The following GRIA1 variants were observed in gnomAD, a reference collection of about 807,000 sequenced individuals.
The protein encoded by GRIA1 is glutamate receptor 1.
A neutral mutation model predicts 99.2 loss-of-function variants in GRIA1; 31 were observed. The ratio of observed to expected loss-of-function variants is 0.31; its 90% confidence interval spans 0.23 to 0.42. GRIA1 has a LOEUF of 0.42. GRIA1 is among the 10% of genes least tolerant of loss of function. The pLI, the probability that GRIA1 is intolerant of heterozygous loss-of-function variation, is 1.00. For synonymous variants in GRIA1, 438 were observed against 432.4 expected, an observed-to-expected ratio of 1.01 and a Z score of -0.16; for missense variants, 782 against 1,157.5, an observed-to-expected ratio of 0.68 and a Z score of 4.71.
intron 8 of GRIA1, among the ~76,000 whole-genome samples, chr5:153,692,059 G>GCACA (rs1316315529): frequency 6.6e-6 from 1 of 152,084 alleles, no homozygotes; most frequent in Non-Finnish European, 1.5e-5. Context: ...CATTCCTTGA[G>GCACA]CACAGCCTCG....
intron 2 of GRIA1, among the ~76,000 whole-genome samples, chr5:153,523,519 T>TA (rs1561609061): frequency 1.3e-5 from 2 of 151,806 alleles, no homozygotes; most frequent in Non-Finnish European, 1.5e-5. Context: ...ACATTTTTTT[T>TA]TTTATTTATG....
intron 11 of GRIA1, among the ~76,000 whole-genome samples, chr5:153,739,131 T>C (rs1435250548): frequency 6.6e-6 from 1 of 151,626 alleles, no homozygotes; most frequent in Non-Finnish European, 1.5e-5. Context: ...CTCCATCCCT[T>C]ACCACCTTGC....
intron 8 of GRIA1, among the ~76,000 whole-genome samples, chr5:153,696,244 G>A (rs905166529): frequency 6.6e-6 from 1 of 152,230 alleles, no homozygotes; most frequent in Non-Finnish European, 1.5e-5. Flanking sequence ...CGCAGGTTTT[G>A]TGAGGATGAA....
intron 5 of GRIA1, among the ~76,000 whole-genome samples, chr5:153,668,558 T>C (rs1755917476): frequency 1.3e-5 from 2 of 152,230 alleles, no homozygotes; most frequent in Admixed American, 1.3e-4. Context: ...TATATATGGC[T>C]ACTTTCATGC....
intron 13 of GRIA1, among the ~76,000 whole-genome samples, chr5:153,778,930 G>A (rs929338336): frequency 2.6e-5 from 4 of 152,064 alleles, no homozygotes; most frequent in South Asian, 4.1e-4. Flanking sequence ...GCAAAACTGT[G>A]CATCTGATGC....
intron 7 of GRIA1, among the ~76,000 whole-genome samples, chr5:153,685,755 A>G (rs1757295396): frequency 6.6e-6 from 1 of 152,230 alleles, no homozygotes; most frequent in South Asian, 2.1e-4. Context: ...TTAAGAAGCC[A>G]TCTCCAAGCA....
chr5:153,638,309 C>G (rs1753535119), intron 2 of GRIA1, among the ~76,000 whole-genome samples: 2 of 152,210 alleles, frequency 1.3e-5, no homozygotes, highest in African/African-American at 4.8e-5. Flanking sequence ...TTATTTAATA[C>G]TCAGTGTTTA....
At chr5:153,560,832 G>A (rs1696945577) in intron 2 of GRIA1, among the ~76,000 whole-genome samples, 1 of 152,200 alleles carries the variant, frequency 6.6e-6, no homozygotes, top group African/African-American at 2.4e-5. Flanking sequence ...ACTAAGATGA[G>A]TTTTGGAGAA....
At chr5:153,771,936 GA>G (rs2149620586) in intron 13 of GRIA1, among the ~76,000 whole-genome samples, 1 of 152,162 alleles carries the variant, frequency 6.6e-6, no homozygotes, top group East Asian at 1.9e-4. Flanking sequence ...GTAACACACA[GA>G]AAGATGAAAA....
chr5:153,637,430 G>A (rs1210995034), intron 2 of GRIA1, among the ~76,000 whole-genome samples: 1 of 152,160 alleles, frequency 6.6e-6, no homozygotes. Flanking sequence ...ACTGTTCTTA[G>A]GTGAAGTGAT....
At chr5:153,671,961 G>T (rs996423515) in intron 5 of GRIA1, among the ~76,000 whole-genome samples, 3 of 152,214 alleles carry the variant, frequency 2.0e-5, no homozygotes, top group African/African-American at 7.2e-5. Flanking sequence ...TGGATAGGGT[G>T]CTGGGGGTAA....
In GRIA1 at chr5:153,705,821, C is replaced by T; in HGVS notation, c.1577C>T (p.Pro526Leu). The T allele has an allele frequency of 2.5e-6, 4 of 1,613,726 alleles. No individual in the cohort carries two copies. Among genetic ancestry groups the T allele is most frequent in the Non-Finnish European group, 3.4e-6 (4 of 1,179,940 alleles). The change falls in exon 11 of 16, where the codon CCG becomes CTG. Residue 526 changes from proline (P) to leucine (L), a missense_variant. Physicochemically the swap from Pro to Leu is moderately conservative, Grantham distance 98 (BLOSUM62 -3). Coordinates refer to ENST00000285900, the MANE Select transcript of GRIA1 (RefSeq NM_000827.4). ...ATTAAAAAACCACAGAAATCCAAGCCGGGTGTCTTCTCCTTCCTTGATCCT... is the reference window on the plus strand; with the variant it reads ...ATTAAAAAACCACAGAAATCCAAGCTGGGTGTCTTCTCCTTCCTTGATCCT... ...IMIKKPQKSK[P>L]GVFSFLDPLA...
intron 2 of GRIA1, among the ~76,000 whole-genome samples, chr5:153,605,728 G>C (rs1263823825): frequency 6.6e-6 from 1 of 152,114 alleles, no homozygotes; most frequent in African/African-American, 2.4e-5. Flanking sequence ...TATTTCTCTT[G>C]ATTATTTGTG....
chr5:153,688,835 T>G (rs1416982740), intron 8 of GRIA1, among the ~76,000 whole-genome samples: 1 of 152,030 alleles, frequency 6.6e-6, no homozygotes, highest in African/African-American at 2.4e-5. Context: ...TTCTCCTGCC[T>G]CAGCCTCCCG....
chr5:153,534,353 T>A (rs1212697419), intron 2 of GRIA1, among the ~76,000 whole-genome samples: 2 of 152,136 alleles, frequency 1.3e-5, no homozygotes, highest in African/African-American at 4.8e-5. Flanking sequence ...GAGAAGGAAC[T>A]GTGAAATAGC....
rs74939793 is a variant in GRIA1 at position 153,591,996 on chromosome 5, T to A, written c.221-54932T>A. On this transcript the variant is annotated intron_variant, in intron 2 of 15. Transcript: ENST00000285900. ...TGAGGAGGGAAAGCAAATGACTGAT[T>A]TCAAAAGGCAAAAACATCTCGGGCT... Among the ~76,000 whole-genome samples, 867 of 152,142 alleles carry A rather than the reference T, an allele frequency of 5.7e-3. 6 individuals carry two copies. Among genetic ancestry groups the A allele is most frequent in the African/African-American group, 0.02 (842 of 41,416 alleles).
intron 7 of GRIA1, 99 bp downstream of exon 7, chr5:153,677,260 A>C: frequency 9.5e-7 from 1 of 1,047,672 alleles, no homozygotes; most frequent in African/African-American, 1.6e-5. Flanking sequence ...AAAGGAAGAA[A>C]ATGCCTGAAG....
At chr5:153,603,501 G>A (rs530828079) in intron 2 of GRIA1, among the ~76,000 whole-genome samples, 1 of 151,690 alleles carries the variant, frequency 6.6e-6, no homozygotes, top group South Asian at 2.1e-4. Context: ...ATCGCCACAT[G>A]TGCCCTAAAA....
chr5:153,543,740 C>G (rs1759350758), intron 2 of GRIA1, among the ~76,000 whole-genome samples: 1 of 152,172 alleles, frequency 6.6e-6, no homozygotes, highest in Admixed American at 6.5e-5. Context: ...CAAGTCTTCT[C>G]TATGTACGAG....
Sources: allele counts gnomAD v4.1 joint callset (sites outside exome capture counted in the v4.1 genomes callset), GRCh38; gene constraint gnomAD v4.1.1; transcripts MANE v1.5; gene names NCBI Gene and HGNC (gene_info 2026-07-23, HGNC 2026-07-21).